GALNTL6: variants seen among roughly 807,000 people sequenced by gnomAD.
GALNTL6 encodes polypeptide N-acetylgalactosaminyltransferase-like 6.
GALNTL6 carries 46 observed loss-of-function variants against 73.7 expected under a neutral mutation model. The observed-to-expected ratio is 0.62, with a 90% CI of 0.49 to 0.80. The LOEUF is 0.80. GALNTL6 is among the 30% of genes least tolerant of loss of function. The probability of loss-of-function intolerance (pLI) is 0.00; values close to 1 mark genes in which losing one functional copy is unlikely to be tolerated. For missense variants in GALNTL6, 604 were observed against 755.0 expected (o/e 0.80, Z 2.34); for synonymous variants, 259 against 263.7 (o/e 0.98, Z 0.17).
At chr4:172,254,039 G>A (rs1053322581) in intron 3 of GALNTL6, among the ~76,000 whole-genome samples, 8 of 151,770 alleles carry the variant, frequency 5.3e-5, no homozygotes, top group Non-Finnish European at 1.0e-4. Context: ...CCCAAAGAAG[G>A]TCAGCAAGTG....
chr4:172,988,458 T>A (rs1751392925), intron 10 of GALNTL6, among the ~76,000 whole-genome samples: 1 of 152,172 alleles, frequency 6.6e-6, no homozygotes, highest in South Asian at 2.1e-4. Flanking sequence ...AAATTGAAAC[T>A]TTTCAAAGGG....
chr4:172,207,749 T>A (rs972339638), intron 2 of GALNTL6, among the ~76,000 whole-genome samples: 1 of 152,168 alleles, frequency 6.6e-6, no homozygotes, highest in African/African-American at 2.4e-5. Flanking sequence ...ACAAGAACAG[T>A]AATTACAAAT....
intron 6 of GALNTL6, among the ~76,000 whole-genome samples, chr4:172,811,996 G>A (rs114884559): frequency 1.5e-3 from 224 of 145,246 alleles, no homozygotes; most frequent in African/African-American, 5.5e-3. Flanking sequence ...TGAAAAGAAT[G>A]ACTGGATGGA....
chr4:172,407,003 A>G (rs1048315218), intron 5 of GALNTL6, among the ~76,000 whole-genome samples: 3 of 151,954 alleles, frequency 2.0e-5, no homozygotes, highest in Non-Finnish European at 4.4e-5. Context: ...TCTCTTTTTT[A>G]AAATCATTTT....
chr4:172,071,980 C>T (rs981069533), intron 2 of GALNTL6, among the ~76,000 whole-genome samples: 1 of 152,134 alleles, frequency 6.6e-6, no homozygotes, highest in South Asian at 2.1e-4. Context: ...GAAGTTTGTG[C>T]TTGGCTTCCA....
At chr4:172,051,261 G>C (rs1311616045) in intron 2 of GALNTL6, among the ~76,000 whole-genome samples, 1 of 152,042 alleles carries the variant, frequency 6.6e-6, no homozygotes, top group Non-Finnish European at 1.5e-5. Context: ...TGTAGGGGTG[G>C]GTACCTATGA....
chr4:172,454,802 C>A (rs1181166327), intron 5 of GALNTL6, among the ~76,000 whole-genome samples: 2 of 152,210 alleles, frequency 1.3e-5, no homozygotes, highest in African/African-American at 4.8e-5. Flanking sequence ...TCAGGCTTCC[C>A]AGTGTAGCTC....
chr4:171,843,799 G>T (rs1387365472), intron 2 of GALNTL6, among the ~76,000 whole-genome samples: 1 of 152,104 alleles, frequency 6.6e-6, no homozygotes, highest in Non-Finnish European at 1.5e-5. Context: ...TATAAATAAA[G>T]ATGTCTGGTG....
intron 5 of GALNTL6, among the ~76,000 whole-genome samples, chr4:172,499,149 G>T (rs1323322620): frequency 6.6e-6 from 1 of 152,098 alleles, no homozygotes; most frequent in African/African-American, 2.4e-5. Flanking sequence ...AAGATTAAAC[G>T]TTCCTATGGA....
intron 2 of GALNTL6, among the ~76,000 whole-genome samples, chr4:172,125,764 C>T (rs1021344490): frequency 6.6e-6 from 1 of 152,012 alleles, no homozygotes; most frequent in African/African-American, 2.4e-5. Context: ...TTTTAATCTA[C>T]CTTACCAAAA....
chr4:171,894,520 A>G (rs1578948314), intron 2 of GALNTL6, among the ~76,000 whole-genome samples: 1 of 152,222 alleles, frequency 6.6e-6, no homozygotes, highest in Non-Finnish European at 1.5e-5. Flanking sequence ...AACTGTAGAG[A>G]AAGAAAACAT....
intron 5 of GALNTL6, among the ~76,000 whole-genome samples, chr4:172,366,260 C>A (rs990976601): frequency 6.6e-5 from 10 of 152,074 alleles, no homozygotes; most frequent in African/African-American, 2.4e-4. Flanking sequence ...AAATGTTTAA[C>A]TAGTTTCCCA....
chr4:171,880,006 T>C (rs1736394692), intron 2 of GALNTL6, among the ~76,000 whole-genome samples: 1 of 152,216 alleles, frequency 6.6e-6, no homozygotes, highest in Non-Finnish European at 1.5e-5. Flanking sequence ...ATCTCAATGG[T>C]GGTCCATTTG....
intron 2 of GALNTL6, among the ~76,000 whole-genome samples, chr4:172,164,638 G>A (rs532232084): frequency 1.3e-5 from 2 of 151,920 alleles, no homozygotes; most frequent in African/African-American, 4.8e-5. Flanking sequence ...TTGATCCTCA[G>A]TCCCCTGCAA....
At chr4:172,452,558 T>C (rs1269701731) in intron 5 of GALNTL6, among the ~76,000 whole-genome samples, 7 of 152,192 alleles carry the variant, frequency 4.6e-5, no homozygotes, top group Non-Finnish European at 1.0e-4. Flanking sequence ...ATGAATATCT[T>C]TTGTGGATAA....
At chr4:172,025,385 CT>C (rs1741533561) in intron 2 of GALNTL6, among the ~76,000 whole-genome samples, 1 of 151,910 alleles carries the variant, frequency 6.6e-6, no homozygotes, top group South Asian at 2.1e-4. Context: ...AAACAGTGAC[CT>C]TGAAAACTTC....
At chr4:172,759,704 G>C (rs1737955363) in intron 5 of GALNTL6, among the ~76,000 whole-genome samples, 1 of 151,726 alleles carries the variant, frequency 6.6e-6, no homozygotes, top group Non-Finnish European at 1.5e-5. Flanking sequence ...CAGGTACACA[G>C]GAACTAGGGA....
intron 5 of GALNTL6, among the ~76,000 whole-genome samples, chr4:172,609,825 A>AT (rs145429528): frequency 0.053 from 7,848 of 146,954 alleles, 433 homozygotes; most frequent in African/African-American, 0.15. Flanking sequence ...CTGGTCCTGG[A>AT]TTTTTTTTTT....
intron 4 of GALNTL6, among the ~76,000 whole-genome samples, chr4:172,319,934 T>C (rs1740696056): frequency 6.6e-6 from 1 of 152,124 alleles, no homozygotes; most frequent in African/African-American, 2.4e-5. Context: ...GATCACTCTA[T>C]CCTTCTCTCC....
Sources: allele counts gnomAD v4.1 joint callset (sites outside exome capture counted in the v4.1 genomes callset), GRCh38; gene constraint gnomAD v4.1.1; transcripts MANE v1.5; gene names NCBI Gene and HGNC (gene_info 2026-07-23, HGNC 2026-07-21).